PMP22: variants seen among roughly 807,000 people sequenced by gnomAD.
PMP22 encodes the protein peripheral myelin protein 22, also known as Charcot-Marie-Tooth neuropathy 1A (greatly reduced nerve conduction velocity, hereditary motor sensory neuropathy Ia).
Under a neutral mutation model 18.9 loss-of-function variants are expected in PMP22, and 2 were observed. The ratio of observed to expected loss-of-function variants is 0.11; its 90% CI spans 0.04 to 0.33. The LOEUF (loss-of-function observed/expected upper bound fraction) is 0.33. PMP22 is among the 10% of genes least tolerant of loss of function. The pLI is 1.00. For missense variants in PMP22, 169 were observed against 202.2 expected (o/e 0.84, Z 1.00); for synonymous variants, 95 against 89.2 (o/e 1.07, Z -0.37).
chr17:15,259,024 C>CT, intron 3 of PMP22, 70 bp downstream of exon 3: 1 of 1,168,040 alleles, frequency 8.6e-7, no homozygotes. Flanking sequence ...ATAAGCGTTT[C>CT]CAGCTCTGGG....
intron 3 of PMP22, among the ~76,000 whole-genome samples, chr17:15,256,998 A>G (rs1426348701): frequency 3.3e-5 from 5 of 152,254 alleles, no homozygotes; most frequent in Admixed American, 3.3e-4. Flanking sequence ...GTTCAGGTGC[A>G]GTGTCCAGAT....
chr17:15,233,024 T>C (rs1906492630), intron 4 of PMP22, among the ~76,000 whole-genome samples: 1 of 152,224 alleles, frequency 6.6e-6, no homozygotes, highest in South Asian at 2.1e-4. Flanking sequence ...TTAGGGAATA[T>C]ATTATTACAA....
chr17:15,254,925 C>A (rs2150701383), intron 3 of PMP22, among the ~76,000 whole-genome samples: 1 of 152,316 alleles, frequency 6.6e-6, no homozygotes, highest in African/African-American at 2.4e-5. Flanking sequence ...CGCCACTGAA[C>A]TCCAGCCTGG....
chr17:15,257,599 A>T (rs1908954070), intron 3 of PMP22, among the ~76,000 whole-genome samples: 1 of 152,326 alleles, frequency 6.6e-6, no homozygotes, highest in African/African-American at 2.4e-5. Flanking sequence ...AGGGGGAGAA[A>T]CCGGATGCTG....
intron 3 of PMP22, among the ~76,000 whole-genome samples, chr17:15,257,215 G>A (rs903405503): frequency 6.6e-6 from 1 of 152,206 alleles, no homozygotes; most frequent in African/African-American, 2.4e-5. Flanking sequence ...GCCTCTTTGA[G>A]ATCTGCTTCT....
intron 1 of PMP22, among the ~76,000 whole-genome samples, chr17:15,262,788 A>ACCTCCCACCTCCCTTCTCC (rs1909449319): frequency 6.6e-6 from 1 of 151,744 alleles, no homozygotes; most frequent in African/African-American, 2.4e-5. Flanking sequence ...GAGCTTTCTC[A>ACCTCCCACCTCCCTTCTCC]CCTCCCACCT....
intron 3 of PMP22, among the ~76,000 whole-genome samples, chr17:15,239,881 GC>G (rs1907169619): frequency 6.6e-6 from 1 of 152,046 alleles, no homozygotes; most frequent in Non-Finnish European, 1.5e-5. Flanking sequence ...ACACACATGT[GC>G]CAATATGTAC....
intron 3 of PMP22, among the ~76,000 whole-genome samples, chr17:15,250,843 ATCATTGTCATC>A (rs1167191147): frequency 6.6e-6 from 1 of 152,216 alleles, no homozygotes; most frequent in Non-Finnish European, 1.5e-5. Context: ...TGTCATTGTC[ATCATTGTCATC>A]TCAGTGTCAT....
intron 3 of PMP22, among the ~76,000 whole-genome samples, chr17:15,251,449 C>T (rs919670340): frequency 6.6e-6 from 1 of 151,906 alleles, no homozygotes; most frequent in Non-Finnish European, 1.5e-5. Flanking sequence ...AGGACAGGCT[C>T]AATAGAGTTG....
At chr17:15,240,674 G>A (rs1209355692) in intron 3 of PMP22, among the ~76,000 whole-genome samples, 1 of 152,040 alleles carries the variant, frequency 6.6e-6, no homozygotes, top group Non-Finnish European at 1.5e-5. Flanking sequence ...GGAAGCCCAG[G>A]GTAAAAATCT....
chr17:15,235,048 G>A (rs879154979), intron 4 of PMP22, among the ~76,000 whole-genome samples: 6 of 152,132 alleles, frequency 3.9e-5, no homozygotes, highest in African/African-American at 1.4e-4. Context: ...TTGAACTCCT[G>A]GCTTTAAGCA....
chr17:15,235,139 T>C (rs998589954), intron 4 of PMP22: 1 of 697,260 alleles, frequency 1.4e-6, no homozygotes, highest in South Asian at 1.5e-5. Context: ...TTATTTTAAA[T>C]GCTCTATAGC....
intron 3 of PMP22, among the ~76,000 whole-genome samples, chr17:15,249,352 C>T (rs1908123504): frequency 6.6e-6 from 1 of 152,162 alleles, no homozygotes; most frequent in Non-Finnish European, 1.5e-5. Flanking sequence ...AACCAGGGTA[C>T]CTGCCCCAGG....
chr17:15,230,821 A>C lies in PMP22; in HGVS notation c.*96T>G. 1 of 1,390,434 alleles carries C rather than the reference A, an allele frequency of 7.2e-7. No individual in the cohort carries two copies. Among genetic ancestry groups the C allele is most frequent in the Non-Finnish European group, 1.0e-6 (1 of 985,922 alleles). 86.1% of individuals were successfully genotyped at this position (1,390,434 alleles called of 1,614,324 possible). Reference sequence around the variant, plus strand: ...CTGTTTGGTTTGGTTTGAGTTTGGGATTTTGGGCTAGCTCTTTTTTCTTTG... The same window carrying C: ...CTGTTTGGTTTGGTTTGAGTTTGGGCTTTTGGGCTAGCTCTTTTTTCTTTG... On this transcript the variant is annotated 3_prime_UTR_variant, in exon 5 of 5. Coordinates refer to ENST00000312280, the MANE Select transcript of PMP22 (RefSeq NM_000304.4).
Position 15,259,020 on chromosome 17 carries a change from G to A in PMP22, c.178+74C>T, listed in dbSNP as rs371226955. ...TTCTGGCTTGTGTCTTCCAATAAGC[G>A]TTTCCAGCTCTGGGCTGAGAAACGT... On this transcript the variant is annotated intron_variant, in intron 3 of 4. Transcript: ENST00000312280. The A allele has an allele frequency of 1.2e-4, 138 of 1,117,566 alleles. 1 individual carries two copies. The highest frequency in any genetic ancestry group is 4.1e-4 in the Middle Eastern group (2 of 4,836). The allele number at this position is 1,117,566 out of a possible 1,614,324, so 69.2% of individuals were successfully genotyped here.
chr17:15,256,313 A>G (rs1908821440), intron 3 of PMP22, among the ~76,000 whole-genome samples: 1 of 152,150 alleles, frequency 6.6e-6, no homozygotes, highest in Non-Finnish European at 1.5e-5. Context: ...GTGAAGTGTC[A>G]TGGTCATGCA....
intron 1 of PMP22, among the ~76,000 whole-genome samples, chr17:15,264,783 G>A (rs538262618): frequency 1.1e-4 from 17 of 152,256 alleles, no homozygotes; most frequent in South Asian, 4.1e-4. Context: ...CCCAGAGCCC[G>A]GCTGGCCAAG....
chr17:15,249,381 G>A (rs1908125924), intron 3 of PMP22, among the ~76,000 whole-genome samples: 1 of 152,154 alleles, frequency 6.6e-6, no homozygotes, highest in African/African-American at 2.4e-5. Flanking sequence ...TTTGTTACAG[G>A]CAGACCCGGT....
intron 4 of PMP22, among the ~76,000 whole-genome samples, chr17:15,238,055 T>C (rs185578777): frequency 5.0e-4 from 76 of 151,902 alleles, no homozygotes; most frequent in African/African-American, 1.7e-3. Context: ...CAACTGAAAA[T>C]TGAGTAAGGG....
Sources: gnomAD v4.1 joint callset for allele counts (sites outside exome capture counted in the v4.1 genomes callset) on GRCh38, gnomAD v4.1.1 for gene constraint, MANE v1.5 for transcripts, NCBI Gene and HGNC (gene_info 2026-07-23, HGNC 2026-07-21) for gene names.